The following CSMD1 variants were observed in gnomAD, a reference collection of about 807,000 sequenced individuals.
The protein encoded by CSMD1 is CUB and Sushi multiple domains 1, also known as CUB and sushi domain-containing protein 1.
Under a neutral mutation model 417.5 loss-of-function variants are expected in CSMD1, and 213 were observed. The observed-to-expected ratio is 0.51, with a 90% CI of 0.46 to 0.57. The LOEUF (loss-of-function observed/expected upper bound fraction) is 0.57. Ranked by LOEUF, CSMD1 falls within the 20% of genes least tolerant of loss-of-function variation. CSMD1 has a pLI of 0.00. For missense variants in CSMD1, 6,923 were observed against 4,529.7 expected, an observed-to-expected ratio of 1.53 and a Z score of -15.17; for synonymous variants, 2,862 against 1,736.8, an observed-to-expected ratio of 1.65 and a Z score of -16.11.
At chr8:4,248,282 T>TTAG (rs2128828624) in intron 3 of CSMD1, among the ~76,000 whole-genome samples, 1 of 152,276 alleles carries the variant, frequency 6.6e-6, no homozygotes, top group African/African-American at 2.4e-5. Flanking sequence ...CCACTATTCT[T>TTAG]TATACAAACA....
At chr8:4,583,231 T>C (rs923850844) in intron 2 of CSMD1, among the ~76,000 whole-genome samples, 1 of 152,228 alleles carries the variant, frequency 6.6e-6, no homozygotes, top group Non-Finnish European at 1.5e-5. Flanking sequence ...GCACAGGGAC[T>C]GGCAGGCAGC....
chr8:3,633,283 T>C (rs1027644439), intron 7 of CSMD1, among the ~76,000 whole-genome samples: 1 of 152,182 alleles, frequency 6.6e-6, no homozygotes, highest in African/African-American at 2.4e-5. Context: ...TAAAATTATG[T>C]GGAAAATGCA....
rs1244804327 is a variant in CSMD1 at position 3,087,263 on chromosome 8, G to A, written c.7308C>T (p.His2436=). 1.2e-6 allele frequency: 2 copies of A among 1,613,912 alleles called. No individual in the cohort carries two copies. The highest frequency in any genetic ancestry group is 1.7e-6 in the Non-Finnish European group (2 of 1,179,848). ...RYAAPYCSLT[H]PLKNGGILNR... ...TTAGAATACCCCCATTCTTCAGGGG[G>A]TGGGTCAAACTGCAGTAAGGTGCTG... Residue 2436 remains histidine (H), a synonymous_variant, in exon 49 of 70, where the codon CAC becomes CAT. Coordinates refer to ENST00000635120, the MANE Select transcript of CSMD1 (RefSeq NM_033225.6).
At chr8:3,508,989 C>G (rs911106550) in intron 10 of CSMD1, among the ~76,000 whole-genome samples, 3 of 152,192 alleles carry the variant, frequency 2.0e-5, no homozygotes, top group Non-Finnish European at 4.4e-5. Context: ...GTGAGAATAT[C>G]TCAGTGCAAA....
intron 5 of CSMD1, among the ~76,000 whole-genome samples, chr8:3,839,111 A>T (rs962044519): frequency 8.1e-6 from 1 of 122,876 alleles, no homozygotes; most frequent in Non-Finnish European, 1.6e-5. Flanking sequence ...CTATATATAT[A>T]GTCTATATGT....
chr8:4,737,926 G>A (rs560976183), intron 1 of CSMD1, among the ~76,000 whole-genome samples: 39 of 152,274 alleles, frequency 2.6e-4, no homozygotes, highest in African/African-American at 8.9e-4. Context: ...TGAAGGAAAG[G>A]CGAGAAAGTA....
At chr8:3,873,169 G>A (rs113011734) in intron 5 of CSMD1, among the ~76,000 whole-genome samples, 2,974 of 152,060 alleles carry the variant, frequency 0.02, 120 homozygotes, top group African/African-American at 0.068. Context: ...CCTAAAAACA[G>A]AACTACCATT....
chr8:3,474,374 G>A (rs766875220), intron 11 of CSMD1, among the ~76,000 whole-genome samples: 2 of 152,040 alleles, frequency 1.3e-5, no homozygotes, highest in African/African-American at 4.8e-5. Context: ...CTCTCTCGGG[G>A]GAAGAGGTTT....
intron 3 of CSMD1, among the ~76,000 whole-genome samples, chr8:4,407,368 T>A (rs546075531): frequency 1.3e-5 from 2 of 152,246 alleles, no homozygotes. Context: ...ATTTTTACTA[T>A]GACTCTTGTT....
At chr8:4,378,374 T>A (rs536943578) in intron 3 of CSMD1, among the ~76,000 whole-genome samples, 4 of 152,368 alleles carry the variant, frequency 2.6e-5, no homozygotes, top group Non-Finnish European at 5.9e-5. Context: ...CATGAGAAAT[T>A]AGCTCACTCG....
chr8:4,042,634 T>C (rs186222594), intron 3 of CSMD1, among the ~76,000 whole-genome samples: 1 of 151,768 alleles, frequency 6.6e-6, no homozygotes, highest in Admixed American at 6.6e-5. Context: ...TAAAATATAT[T>C]TTATTTTAAA....
At chr8:3,068,054 T>G (rs1317774800) in intron 49 of CSMD1, among the ~76,000 whole-genome samples, 1 of 152,188 alleles carries the variant, frequency 6.6e-6, no homozygotes. Context: ...GCCTTTTCCC[T>G]TATATTTCTA....
intron 6 of CSMD1, among the ~76,000 whole-genome samples, chr8:3,741,750 T>A (rs1379687326): frequency 1.3e-5 from 2 of 152,122 alleles, no homozygotes; most frequent in Non-Finnish European, 2.9e-5. Flanking sequence ...AAATACCCAG[T>A]GGTGGTTGAA....
intron 5 of CSMD1, among the ~76,000 whole-genome samples, chr8:3,868,479 C>G (rs1017624563): frequency 2.6e-5 from 4 of 152,098 alleles, no homozygotes; most frequent in South Asian, 2.1e-4. Context: ...GGAAGGGGCT[C>G]TCTCATTCAA....
chr8:4,039,454 ACC>A, intron 3 of CSMD1, among the ~76,000 whole-genome samples: 4 of 152,114 alleles, frequency 2.6e-5, no homozygotes, highest in African/African-American at 7.2e-5. Flanking sequence ...TAGTCTTGAA[ACC>A]TTACATTTCT....
chr8:3,006,796 G>A (rs1163731047), intron 52 of CSMD1, among the ~76,000 whole-genome samples: 7 of 149,312 alleles, frequency 4.7e-5, no homozygotes, highest in South Asian at 2.1e-4. Flanking sequence ...AGACTTAAAC[G>A]TTAGACCTAA....
At chr8:4,385,945 G>C (rs4360311) in intron 3 of CSMD1, among the ~76,000 whole-genome samples, 22,536 of 152,084 alleles carry the variant, frequency 0.15, 1,822 homozygotes, top group Admixed American at 0.24. Flanking sequence ...TCAACATTCA[G>C]ATACCCAACC....
At chr8:4,828,702 G>A (rs1037616501) in intron 1 of CSMD1, among the ~76,000 whole-genome samples, 3 of 152,078 alleles carry the variant, frequency 2.0e-5, no homozygotes, top group African/African-American at 7.2e-5. Flanking sequence ...AGTCAACCTG[G>A]CATGACTTAA....
chr8:4,413,437 C>T (rs777872115), intron 3 of CSMD1, among the ~76,000 whole-genome samples: 3 of 152,156 alleles, frequency 2.0e-5, no homozygotes, highest in Non-Finnish European at 2.9e-5. Context: ...GGCAGTTCAG[C>T]GTCTCTCTTC....
Sources: allele counts gnomAD v4.1 joint callset (sites outside exome capture counted in the v4.1 genomes callset), GRCh38; gene constraint gnomAD v4.1.1; transcripts MANE v1.5; gene names NCBI Gene and HGNC (gene_info 2026-07-23, HGNC 2026-07-21).